The following ITPRID2 variants were observed in gnomAD, a reference collection of about 807,000 sequenced individuals.
ITPRID2 encodes protein ITPRID2.
Under a neutral mutation model 124.3 loss-of-function variants are expected in ITPRID2, and 60 were observed. The observed-to-expected ratio is 0.48, with a 90% CI of 0.39 to 0.60. The LOEUF is 0.60. Among genes scored for constraint, ITPRID2 ranks in the 20% least tolerant of loss-of-function variants. The pLI, the probability that ITPRID2 is intolerant of heterozygous loss-of-function variation, is 0.00. For missense variants in ITPRID2, 1,553 were observed against 1,512.2 expected (o/e 1.03, Z -0.45); for synonymous variants, 521 against 542.9 (o/e 0.96, Z 0.56).
chr2:181,900,029 C>T (rs993543600), intron 6 of ITPRID2, among the ~76,000 whole-genome samples: 14 of 152,164 alleles, frequency 9.2e-5, no homozygotes, highest in African/African-American at 3.4e-4. Context: ...CTGTTTTCTT[C>T]AGTGAGTCTT....
At chr2:181,926,452 G>A (rs963389976) in intron 16 of ITPRID2, among the ~76,000 whole-genome samples, 2 of 152,022 alleles carry the variant, frequency 1.3e-5, no homozygotes, top group Non-Finnish European at 2.9e-5. Flanking sequence ...GGTGGCTCAC[G>A]CCTGTAATCC....
intron 6 of ITPRID2, 48 bp downstream of exon 6, chr2:181,899,160 C>T: frequency 7.7e-7 from 1 of 1,291,818 alleles, no homozygotes. Flanking sequence ...CTATAGATGA[C>T]CTACTCTTAT....
intron 15 of ITPRID2, among the ~76,000 whole-genome samples, chr2:181,921,152 C>G (rs890495449): frequency 2.4e-4 from 36 of 151,918 alleles, no homozygotes; most frequent in Middle Eastern, 3.4e-3. Context: ...CCACTGCACT[C>G]CAGCCTGGGT....
Position 181,896,566 on chromosome 2 carries a change from A to G in ITPRID2, c.308-342A>G, listed in dbSNP as rs1442045908. On this transcript the variant is annotated intron_variant, in intron 3 of 17. Coordinates refer to ENST00000431877, the MANE Select transcript of ITPRID2 (RefSeq NM_001130445.3). The surrounding 1 kb of genome is among the most constrained non-coding windows in gnomAD (Gnocchi z 4.3). Reference sequence around the variant, plus strand: ...TCAGGAAAATCCAGCTCCTGACTTAATATGAGATGGATAAGAAGAATATTT... The same window carrying G: ...TCAGGAAAATCCAGCTCCTGACTTAGTATGAGATGGATAAGAAGAATATTT... 6.6e-6 allele frequency among the ~76,000 whole-genome samples: 1 copy of G among 151,998 alleles called. No individual in the cohort carries two copies. The highest frequency in any genetic ancestry group is 1.5e-5 in the Non-Finnish European group (1 of 67,854).
Position 181,902,486 on chromosome 2 carries a change from G to C in ITPRID2, c.1413+20G>C, listed in dbSNP as rs767353196. 6 of 1,483,768 alleles carry C rather than the reference G, an allele frequency of 4.0e-6. No homozygotes were observed. The East Asian group carries it at 1.4e-4, about 35-fold the overall frequency. The allele number at this position is 1,483,768 out of a possible 1,614,324, so 91.9% of individuals were successfully genotyped here. A position where few individuals can be genotyped will look rare whatever the true frequency, so the allele number is the denominator to read the frequency against. On this transcript the variant is annotated intron_variant, in intron 8 of 17. Transcript: ENST00000431877. The surrounding 1 kb of genome is among the most constrained non-coding windows in gnomAD (Gnocchi z 4.4). ...GAAGAGGTAGGTAAAAAATTACTGA[G>C]ACTGGTTTCAAGTTGCAGACTAGGA...
At chr2:181,920,908 A>T (rs1308820214) in intron 15 of ITPRID2, among the ~76,000 whole-genome samples, 1 of 152,204 alleles carries the variant, frequency 6.6e-6, no homozygotes. Flanking sequence ...AAACATGTAC[A>T]GTGGCTCATG....
intron 4 of ITPRID2, 55 bp downstream of exon 4, chr2:181,897,019 T>C (rs1692258176): frequency 6.9e-7 from 1 of 1,452,040 alleles, no homozygotes; most frequent in Non-Finnish European, 9.7e-7. Context: ...TTAAAAAAAA[T>C]GAGAAAGCTG....
rs1327067460 is a variant in ITPRID2 at position 181,905,773 on chromosome 2, G to A, written c.1413+3307G>A. On this transcript the variant is annotated intron_variant, in intron 8 of 17. Coordinates refer to ENST00000431877, the MANE Select transcript of ITPRID2 (RefSeq NM_001130445.3). This position sits in a 1 kb window ranked among gnomAD's most constrained non-coding sequence, Gnocchi z 4.1. ...TAATGTACTTGACTTCTCATTTTTA[G>A]CTGTTAAGTTTTAGGATTTTTCTAT... is the stretch of plus-strand genomic sequence containing the variant. Among the ~76,000 whole-genome samples, 1 of 152,026 alleles carries A rather than the reference G, an allele frequency of 6.6e-6. No individual in the cohort carries two copies. The highest frequency in any genetic ancestry group is 2.4e-5 in the African/African-American group (1 of 41,378).
rs974041615 is a variant in ITPRID2, at chr2:181,902,591, T to C, written c.1413+125T>C. ...GAAAAATTTATTCTAATTTTGACTT[T>C]CCAGGTTTATGTTTCACAAACCAAG... On this transcript the variant is annotated intron_variant, in intron 8 of 17. Coordinates refer to ENST00000431877, the MANE Select transcript of ITPRID2 (RefSeq NM_001130445.3). The surrounding 1 kb of genome is among the most constrained non-coding windows in gnomAD (Gnocchi z 4.4). The C allele has an allele frequency of 3.7e-5, 27 of 737,766 alleles. No homozygotes were observed. The highest frequency in any genetic ancestry group is 3.1e-4 in the African/African-American group (17 of 55,562). The allele number at this position is 737,766 out of a possible 1,614,324, so 45.7% of individuals were successfully genotyped here. A position where few individuals can be genotyped will look rare whatever the true frequency, so the allele number is the denominator to read the frequency against.
chr2:181,916,714 C>T lies in ITPRID2; in HGVS notation c.2787+287C>T, dbSNP rs1336972850. On this transcript the variant is annotated intron_variant, in intron 11 of 17. Coordinates refer to ENST00000431877, the MANE Select transcript of ITPRID2 (RefSeq NM_001130445.3). Reference sequence around the variant, plus strand: ...ATCCTCCCATTTTTAGTCTATCATCCACTGTCTTTGTTTTAGTCTAGAATC... The same window carrying T: ...ATCCTCCCATTTTTAGTCTATCATCTACTGTCTTTGTTTTAGTCTAGAATC... 9.6e-6 allele frequency: 7 copies of T among 729,632 alleles called. No homozygotes were observed. In the South Asian group the frequency reaches 2.1e-4, roughly 22 times the overall value. The allele number at this position is 729,632 out of a possible 1,614,324, so 45.2% of individuals were successfully genotyped here. A position where few individuals can be genotyped will look rare whatever the true frequency, so the allele number is the denominator to read the frequency against.
Position 181,896,175 on chromosome 2 carries a change from T to TA in ITPRID2, c.307+96_307+97insA. 3 of 1,102,444 alleles carry TA rather than the reference T, an allele frequency of 2.7e-6. No homozygotes were observed. The highest frequency in any genetic ancestry group is 2.7e-6 in the Non-Finnish European group (2 of 732,770). 68.3% of individuals were successfully genotyped at this position (1,102,444 alleles called of 1,614,324 possible). On this transcript the variant is annotated intron_variant, in intron 3 of 17. Transcript: ENST00000431877. The surrounding 1 kb of genome is among the most constrained non-coding windows in gnomAD (Gnocchi z 4.3). The stretch of plus-strand genomic sequence containing the variant: ...GTATATATGACTTATAAAAGTGATA[T>TA]TCATGTTTATAGTATATGCTATTCT...
At position 181,896,383 on chromosome 2, in the gene ITPRID2, A is replaced by T. The variant is rs377112297; in HGVS notation, c.307+304A>T. Reference sequence around the variant, plus strand: ...TAAGGAAAATACTTATTGAGTGAACAAAAGTTTAGTCAACTTTCGTGCAGC... The same window carrying T: ...TAAGGAAAATACTTATTGAGTGAACTAAAGTTTAGTCAACTTTCGTGCAGC... On this transcript the variant is annotated intron_variant, in intron 3 of 17. Transcript: ENST00000431877. The surrounding 1 kb of genome is among the most constrained non-coding windows in gnomAD (Gnocchi z 4.3). Among the ~76,000 whole-genome samples the T allele has an allele frequency of 5.9e-5, 9 of 152,026 alleles. No individual in the cohort carries two copies. Among genetic ancestry groups the T allele is most frequent in the African/African-American group, 2.2e-4 (9 of 41,448 alleles).
In ITPRID2 at chr2:181,910,605, G is replaced by A. The variant is rs749575806; in HGVS notation, c.1486+634G>A. On this transcript the variant is annotated intron_variant, in intron 9 of 17. Transcript: ENST00000431877. This position sits in a 1 kb window ranked among gnomAD's most constrained non-coding sequence, Gnocchi z 4.1. The stretch of plus-strand genomic sequence containing the variant: ...TTGAGCTTTAGAGAAAGGGAAAGAG[G>A]AAGAAGTGAAAATGACCACTGAAGG... The A allele has an allele frequency of 7.1e-6, 5 of 704,472 alleles. No homozygotes were observed. In the South Asian group the frequency reaches 7.7e-5, roughly 11 times the overall value. The allele number at this position is 704,472 out of a possible 1,614,324, so 43.6% of individuals were successfully genotyped here.
At chr2:181,928,422 A>G (rs1270052496) in intron 17 of ITPRID2, 144 bp downstream of exon 17, 4 of 500,026 alleles carry the variant, frequency 8.0e-6, no homozygotes, top group Non-Finnish European at 1.1e-5. Context: ...ACAATGTGAA[A>G]ATTTCACACA....
At chr2:181,914,061 G>T in intron 10 of ITPRID2, 128 bp downstream of exon 10, 1 of 597,102 alleles carries the variant, frequency 1.7e-6, no homozygotes, top group South Asian at 2.3e-5. Flanking sequence ...CAAAACTCCT[G>T]GCATGTAGAT....
intron 8 of ITPRID2, among the ~76,000 whole-genome samples, chr2:181,904,449 G>T (rs921870853): frequency 5.3e-5 from 8 of 151,748 alleles, no homozygotes; most frequent in African/African-American, 1.9e-4. Context: ...CTGGAAGTGT[G>T]TTTTCATCCC....
chr2:181,922,559 C>A, intron 16 of ITPRID2, 147 bp downstream of exon 16: 1 of 808,722 alleles, frequency 1.2e-6, no homozygotes, highest in Non-Finnish European at 1.9e-6. Context: ...TCCTGTTGAT[C>A]AAGTTTGTGT....
At chr2:181,927,519 A>C (rs1025871470) in intron 16 of ITPRID2, among the ~76,000 whole-genome samples, 2 of 152,204 alleles carry the variant, frequency 1.3e-5, no homozygotes. Flanking sequence ...TCCTATATGC[A>C]TATTGGAAAC....
At chr2:181,927,506 A>G (rs1339626412) in intron 16 of ITPRID2, among the ~76,000 whole-genome samples, 1 of 152,210 alleles carries the variant, frequency 6.6e-6, no homozygotes, top group African/African-American at 2.4e-5. Flanking sequence ...GTATATCCTC[A>G]TATCCTATAT....
Sources: allele counts gnomAD v4.1 joint callset (sites outside exome capture counted in the v4.1 genomes callset), GRCh38; gene constraint gnomAD v4.1.1; non-coding constraint Gnocchi (gnomAD v3.1); transcripts MANE v1.5; gene names NCBI Gene and HGNC (gene_info 2026-07-23, HGNC 2026-07-21).